MTAP: variants seen among roughly 807,000 people sequenced by gnomAD.
MTAP encodes S-methyl-5'-thioadenosine phosphorylase.
Under a neutral mutation model 33.6 loss-of-function variants are expected in MTAP, and 33 were observed. That is an observed-to-expected ratio of 0.98 (90% CI 0.74 to 1.31). The LOEUF is 1.31. Ranked by LOEUF, MTAP falls within the 40% of genes most tolerant of loss-of-function variation. The probability of loss-of-function intolerance (pLI) is 0.00; values close to 1 mark genes in which losing one functional copy is unlikely to be tolerated. For missense variants in MTAP, 367 were observed against 360.0 expected, an observed-to-expected ratio of 1.02 and a Z score of -0.16; for synonymous variants, 148 against 125.7, an observed-to-expected ratio of 1.18 and a Z score of -1.19.
intron 4 of MTAP, among the ~76,000 whole-genome samples, chr9:21,823,458 T>G (rs1824701110): frequency 1.3e-5 from 2 of 152,382 alleles, no homozygotes; most frequent in South Asian, 4.1e-4. Context: ...TCTTCTGGCT[T>G]GTAGAGTTTC....
intron 5 of MTAP, 65 bp from the exon 6 acceptor site, chr9:21,854,566 G>A (rs1825591267): frequency 6.8e-7 from 1 of 1,465,230 alleles, no homozygotes; most frequent in Non-Finnish European, 9.1e-7. Flanking sequence ...AACATTGGGG[G>A]GAAGTGCAGC....
chr9:21,870,779 CTTT>C (rs777664959), downstream of MTAP, among the ~76,000 whole-genome samples: 1 of 131,022 alleles, frequency 7.6e-6, no homozygotes. Flanking sequence ...ATTTTTTTTT[CTTT>C]TTTTTTTTTT....
chr9:21,890,839 G>C (rs564924653), intron 1 of MTAP, among the ~76,000 whole-genome samples: 1 of 147,606 alleles, frequency 6.8e-6, no homozygotes, highest in Non-Finnish European at 1.5e-5. Flanking sequence ...CCTTCAAAAG[G>C]TCTGTGAATT....
intron 1 of MTAP, among the ~76,000 whole-genome samples, chr9:21,803,548 G>A (rs1824125238): frequency 1.3e-5 from 2 of 152,152 alleles, no homozygotes; most frequent in African/African-American, 4.8e-5. Context: ...AGGGGTCATT[G>A]TGCGGTGGGA....
At chr9:21,885,548 T>A in intron 1 of MTAP, among the ~76,000 whole-genome samples, 1 of 152,104 alleles carries the variant, frequency 6.6e-6, no homozygotes. Context: ...CTGTACCCAA[T>A]ATCTAGTCTT....
intron 1 of MTAP, among the ~76,000 whole-genome samples, chr9:21,884,692 A>G (rs979945388): frequency 1.1e-4 from 17 of 152,118 alleles, no homozygotes; most frequent in African/African-American, 4.1e-4. Flanking sequence ...TAAGGACACT[A>G]ATCCCATCAT....
chr9:21,828,171 C>T (rs1462382778), intron 4 of MTAP, among the ~76,000 whole-genome samples: 1 of 152,200 alleles, frequency 6.6e-6, no homozygotes, highest in East Asian at 1.9e-4. Flanking sequence ...AGATCTTCTA[C>T]TATTTTTCTG....
At chr9:21,894,237 A>G (rs570605949) in intron 1 of MTAP, among the ~76,000 whole-genome samples, 1 of 149,594 alleles carries the variant, frequency 6.7e-6, no homozygotes, top group South Asian at 2.1e-4. Context: ...AAAACTAGGT[A>G]TTGAAGTAGC....
chr9:21,893,160 C>T (rs1220294580), intron 1 of MTAP: 1 of 152,130 alleles, frequency 6.6e-6, no homozygotes, highest in Non-Finnish European at 1.5e-5. Context: ...TAAATGCTGA[C>T]ATTAAAATTG....
chr9:21,816,952 A>G (rs1391016558), intron 3 of MTAP, among the ~76,000 whole-genome samples, 180 bp downstream of exon 3: 2 of 152,240 alleles, frequency 1.3e-5, no homozygotes, highest in Non-Finnish European at 1.5e-5. Flanking sequence ...TAGGAGATCA[A>G]AGATCTCATG....
At chr9:21,833,542 T>C (rs1825025136) in intron 4 of MTAP, among the ~76,000 whole-genome samples, 1 of 152,218 alleles carries the variant, frequency 6.6e-6, no homozygotes, top group Non-Finnish European at 1.5e-5. Flanking sequence ...GAATTTTTTC[T>C]CATGACTGCC....
In MTAP at chr9:21,864,591, AG is replaced by A; in HGVS notation, c.*2580del. On this transcript the variant is annotated 3_prime_UTR_variant, in exon 8 of 8. Coordinates refer to ENST00000644715, the MANE Select transcript of MTAP (RefSeq NM_002451.4). ...TGACATCCTGGCCCTGTGGTCCCCG[AG>A]GGTCATGGTCCTTGTGACCTGGCCC... The A allele has an allele frequency of 1.0e-6, 1 of 985,462 alleles. No homozygotes were observed. Among genetic ancestry groups the A allele is most frequent in the African/African-American group, 1.7e-5 (1 of 57,336 alleles). 61.0% of individuals were successfully genotyped at this position (985,462 alleles called of 1,614,324 possible). A position where few individuals can be genotyped will look rare whatever the true frequency, so the allele number is the denominator to read the frequency against.
intron 1 of MTAP, among the ~76,000 whole-genome samples, chr9:21,810,450 A>C (rs993094463): frequency 6.6e-6 from 1 of 152,186 alleles, no homozygotes. Flanking sequence ...ACTTTGCTTC[A>C]TAACAACCCA....
chr9:21,814,184 GT>G (rs1824420906), intron 1 of MTAP, among the ~76,000 whole-genome samples: 1 of 152,018 alleles, frequency 6.6e-6, no homozygotes, highest in Non-Finnish European at 1.5e-5. Context: ...TTTCTTGTTT[GT>G]TTTTTGTTGT....
At chr9:21,846,731 C>T (rs1320635445) in intron 5 of MTAP, among the ~76,000 whole-genome samples, 2 of 152,300 alleles carry the variant, frequency 1.3e-5, no homozygotes, top group African/African-American at 2.4e-5. Context: ...CACTCCTATG[C>T]GTCTACCCAG....
rs893287559 is a variant in MTAP at position 21,866,278 on chromosome 9, A to T, written c.*4264A>T. The T allele has an allele frequency of 6.6e-6, 1 of 152,142 alleles. No homozygotes were observed. The highest frequency in any genetic ancestry group is 1.5e-5 in the Non-Finnish European group (1 of 68,006). The allele number at this position is 152,142 out of a possible 1,614,324, so 9.4% of individuals were successfully genotyped here. ...AGTAAGAATTGTTTATATATTCTGG[A>T]TACACTCTTTTTCAGATATGTGTGT... is the stretch of plus-strand genomic sequence containing the variant. On this transcript the variant is annotated 3_prime_UTR_variant, in exon 8 of 8. Transcript: ENST00000644715.
intron 4 of MTAP, among the ~76,000 whole-genome samples, chr9:21,823,473 G>A (rs377496440): frequency 1.2e-4 from 19 of 152,140 alleles, no homozygotes; most frequent in African/African-American, 3.9e-4. Context: ...AGTTTCTGCC[G>A]AGAGATCTGC....
downstream of MTAP, among the ~76,000 whole-genome samples, chr9:21,939,267 A>C (rs1819095484): frequency 6.6e-6 from 1 of 152,206 alleles, no homozygotes; most frequent in Non-Finnish European, 1.5e-5. Context: ...GTATGTCTTT[A>C]TCAGCAGTGT....
chr9:21,881,985 G>C (rs1818019342), intron 1 of MTAP, among the ~76,000 whole-genome samples: 1 of 151,986 alleles, frequency 6.6e-6, no homozygotes, highest in Non-Finnish European at 1.5e-5. Context: ...GAGATGGACA[G>C]ATAAAGAAAA....
Sources: gnomAD v4.1 joint callset for allele counts (sites outside exome capture counted in the v4.1 genomes callset) on GRCh38, gnomAD v4.1.1 for gene constraint, MANE v1.5 for transcripts, NCBI Gene and HGNC (gene_info 2026-07-23, HGNC 2026-07-21) for gene names.